The following EVC variants were observed in gnomAD, a reference collection of about 807,000 sequenced individuals.
EVC encodes the protein EvC ciliary complex subunit 1.
Under a neutral mutation model 118.9 loss-of-function variants are expected in EVC, and 116 were observed. That is an observed-to-expected ratio of 0.98 (90% CI 0.84 to 1.14). The LOEUF is 1.14. EVC is among the 50% of genes most tolerant of loss of function. The pLI is 0.00. For missense variants in EVC, 1,401 were observed against 1,246.4 expected, an observed-to-expected ratio of 1.12 and a Z score of -1.87; for synonymous variants, 619 against 534.7, an observed-to-expected ratio of 1.16 and a Z score of -2.18.
Position 5,810,395 on chromosome 4 carries a change from G to C in EVC, c.2839G>C (p.Gly947Arg). ...CCTGCCCCAGGAAAGAGGGGACCTG[G>C]GGGTGCCCAACAATGAGGACCTTGC... ...KPLPQERGDL[G>R]VPNNEDLASG... Residue 947 changes from glycine to arginine, a missense_variant, in exon 20 of 21, where the codon GGG becomes CGG. By Grantham distance (125) the Gly-to-Arg change is moderately radical. Transcript: ENST00000264956. The C allele has an allele frequency of 6.2e-7, 1 of 1,613,868 alleles. No individual in the cohort carries two copies. The highest frequency in any genetic ancestry group is 1.1e-5 in the South Asian group (1 of 90,940).
At position 5,808,910 on chromosome 4, in the gene EVC, AGT is replaced by A. The variant is rs562157252; in HGVS notation, c.2688+586_2688+587del. Among the ~76,000 whole-genome samples, 23 of 152,290 alleles carry A rather than the reference AGT, an allele frequency of 1.5e-4. No homozygotes were observed. The South Asian group carries it at 4.6e-3, about 30-fold the overall frequency. On this transcript the variant is annotated intron_variant, in intron 18 of 20. Coordinates refer to ENST00000264956, the MANE Select transcript of EVC (RefSeq NM_153717.3). ...TTTAGCAGAGTGTTGGCCCTTTCAG[AGT>A]GTTCTCCACTGGCGATGGCAGTCGC...
intron 5 of EVC, among the ~76,000 whole-genome samples, chr4:5,734,904 T>C (rs902127412): frequency 2.0e-5 from 3 of 152,176 alleles, no homozygotes; most frequent in African/African-American, 4.8e-5. Context: ...CCTGGCTGTT[T>C]TCTCCAAGGC....
At chr4:5,717,503 A>C (rs6824184) in intron 1 of EVC, among the ~76,000 whole-genome samples, 1 of 152,022 alleles carries the variant, frequency 6.6e-6, no homozygotes, top group South Asian at 2.1e-4. Context: ...TTTTTTCCTC[A>C]ATGTCTTTAC....
chr4:5,771,992 G>C (rs768836806), intron 11 of EVC, among the ~76,000 whole-genome samples: 5 of 152,112 alleles, frequency 3.3e-5, no homozygotes, highest in Middle Eastern at 3.4e-3. Flanking sequence ...CCATCTCCCA[G>C]GTTCACGCCA....
chr4:5,826,018 C>G, the EVC span: 1 of 313,868 alleles, frequency 3.2e-6, no homozygotes, highest in Non-Finnish European at 5.9e-6. Context: ...CGCACACACA[C>G]TTAAATCACA....
chr4:5,719,443 G>A lies in EVC; in HGVS notation c.300+70G>A, dbSNP rs1577324708. 2 of 1,609,860 alleles carry A rather than the reference G, an allele frequency of 1.2e-6. No individual in the cohort carries two copies. Among genetic ancestry groups the A allele is most frequent in the Non-Finnish European group, 1.7e-6 (2 of 1,177,710 alleles). ...GTGGGGTATTCCCCCTGGAAGCCGGGTGTCATGTAGACAAGCCTCTGACAG... is the reference window on the plus strand; with the variant it reads ...GTGGGGTATTCCCCCTGGAAGCCGGATGTCATGTAGACAAGCCTCTGACAG... On this transcript the variant is annotated intron_variant, in intron 2 of 20. Coordinates refer to ENST00000264956, the MANE Select transcript of EVC (RefSeq NM_153717.3). The surrounding 1 kb of genome is among the most constrained non-coding windows in gnomAD (Gnocchi z 4.7).
chr4:5,733,862 C>CG (rs1327119911), intron 5 of EVC, among the ~76,000 whole-genome samples: 1 of 152,108 alleles, frequency 6.6e-6, no homozygotes, highest in Non-Finnish European at 1.5e-5. Context: ...CCCAGAGGGG[C>CG]GGGTGTCATT....
chr4:5,772,987 C>T (rs2152228639), intron 11 of EVC, among the ~76,000 whole-genome samples: 1 of 152,294 alleles, frequency 6.6e-6, no homozygotes, highest in African/African-American at 2.4e-5. Context: ...CTGGTCATCA[C>T]ATGTGCCACA....
At chr4:5,736,869 T>C (rs1364067163) in intron 5 of EVC, among the ~76,000 whole-genome samples, 1 of 152,188 alleles carries the variant, frequency 6.6e-6, no homozygotes, top group Non-Finnish European at 1.5e-5. Flanking sequence ...TTAGTAACGC[T>C]GCAATGGCCT....
At chr4:5,712,702 G>T (rs897114674) in intron 1 of EVC, among the ~76,000 whole-genome samples, 3 of 152,140 alleles carry the variant, frequency 2.0e-5, no homozygotes, top group African/African-American at 7.2e-5. Flanking sequence ...GCATTACACC[G>T]CAAAGAGCTG....
chr4:5,825,284 T>C, the EVC span: 5 of 985,342 alleles, frequency 5.1e-6, no homozygotes, highest in Non-Finnish European at 6.0e-6. This position sits in a 1 kb window ranked among gnomAD's most constrained non-coding sequence, Gnocchi z 4.4. Flanking sequence ...TACCACCATG[T>C]TGCCCCCCTA....
intron 11 of EVC, among the ~76,000 whole-genome samples, chr4:5,771,809 G>A (rs1482909440): frequency 6.6e-6 from 1 of 152,188 alleles, no homozygotes; most frequent in Non-Finnish European, 1.5e-5. Context: ...GACCAAGGAT[G>A]CAGGGACTGA....
rs796945375 is a variant in EVC at position 5,743,467 on chromosome 4, GTCTTCATCAGCACCACCATCATCACCA to G, written c.801+1675_802-1689del. On this transcript the variant is annotated intron_variant, in intron 6 of 20. Transcript: ENST00000264956. The surrounding 1 kb of genome is among the most constrained non-coding windows in gnomAD (Gnocchi z 4.7). ...TCGTCATCGCATCATTGTTGTGATA[GTCTTCATCAGCACCACCATCATCACCA>G]TCTTCATCAGCACCACCATCACCAC... is the stretch of plus-strand genomic sequence containing the variant. Among the ~76,000 whole-genome samples, 40 of 152,130 alleles carry G rather than the reference GTCTTCATCAGCACCACCATCATCACCA, an allele frequency of 2.6e-4. No homozygotes were observed. The highest frequency in any genetic ancestry group is 8.9e-4 in the African/African-American group (37 of 41,476).
At chr4:5,785,489 G>C (rs1451085578) in intron 12 of EVC, among the ~76,000 whole-genome samples, 1 of 152,256 alleles carries the variant, frequency 6.6e-6, no homozygotes, top group Non-Finnish European at 1.5e-5. Flanking sequence ...AAAGTAGATA[G>C]AGGAGAGCGT....
chr4:5,804,706 A>C, intron 16 of EVC, 24 bp from the exon 17 acceptor site: 1 of 1,609,322 alleles, frequency 6.2e-7, no homozygotes, highest in Non-Finnish European at 8.5e-7. Context: ...AGACCCCTTG[A>C]TTGTCCTGTG....
chr4:5,755,396 C>G lies in EVC; in HGVS notation c.1465-868C>G, dbSNP rs540411042. 4.6e-4 allele frequency among the ~76,000 whole-genome samples: 70 copies of G among 151,868 alleles called. No individual in the cohort carries two copies. Among genetic ancestry groups the G allele is most frequent in the Middle Eastern group, 3.4e-3 (1 of 294 alleles). On this transcript the variant is annotated intron_variant, in intron 10 of 20. Transcript: ENST00000264956. This position sits in a 1 kb window ranked among gnomAD's most constrained non-coding sequence, Gnocchi z 4.1. ...TGAGCGCATGCGTGCCTGAATGAAC[C>G]AGGACATGGACAAATGGGCAAACGA...
At chr4:5,808,135 C>CAACCA in intron 17 of EVC, 66 bp from the exon 18 acceptor site, 5 of 515,898 alleles carry the variant, frequency 9.7e-6, no homozygotes, top group East Asian at 4.1e-5. Context: ...TTCCTTCTCC[C>CAACCA]TCCCTCCCTC....
intron 5 of EVC, among the ~76,000 whole-genome samples, chr4:5,735,237 C>G (rs1021714495): frequency 6.6e-6 from 1 of 152,158 alleles, no homozygotes; most frequent in African/African-American, 2.4e-5. Flanking sequence ...AAGCATCATG[C>G]GAGTGTGAAG....
At chr4:5,723,190 T>G (rs1398069195) in intron 2 of EVC, among the ~76,000 whole-genome samples, 1 of 141,028 alleles carries the variant, frequency 7.1e-6, no homozygotes, top group Non-Finnish European at 1.5e-5. Flanking sequence ...ATCCTTTCCT[T>G]CTTTTTTTTT....
Sources: gnomAD v4.1 joint callset for allele counts (sites outside exome capture counted in the v4.1 genomes callset) on GRCh38, gnomAD v4.1.1 for gene constraint, Gnocchi (gnomAD v3.1) non-coding constraint, MANE v1.5 for transcripts, NCBI Gene and HGNC (gene_info 2026-07-23, HGNC 2026-07-21) for gene names.